TLN2: variants seen among roughly 807,000 people sequenced by gnomAD.
The protein encoded by TLN2 is talin-2.
A neutral mutation model predicts 294.7 loss-of-function variants in TLN2; 118 were observed. The observed-to-expected ratio is 0.40, with a 90% confidence interval of 0.34 to 0.47. The LOEUF is 0.47. Among genes scored for constraint, TLN2 ranks in the 20% least tolerant of loss-of-function variants. The probability of loss-of-function intolerance (pLI) is 0.84; values close to 1 mark genes in which losing one functional copy is unlikely to be tolerated. For missense variants in TLN2, 3,083 were observed against 3,282.2 expected (o/e 0.94, Z 1.48); for synonymous variants, 1,431 against 1,304.5 (o/e 1.10, Z -2.09).
At chr15:62,765,984 G>A (rs922438560) in intron 40 of TLN2, among the ~76,000 whole-genome samples, 4 of 152,212 alleles carry the variant, frequency 2.6e-5, no homozygotes, top group African/African-American at 9.6e-5. Context: ...TTTGGAAGAA[G>A]TTGTCGTTCC....
intron 1 of TLN2, among the ~76,000 whole-genome samples, chr15:62,504,836 TGTGTGTGTGTGAGA>T (rs1382493341): frequency 1.4e-5 from 2 of 144,800 alleles, no homozygotes; most frequent in Admixed American, 6.8e-5. Flanking sequence ...TGTGTGTGTG[TGTGTGTGTGTGAGA>T]GAGAGAGAGA....
intron 2 of TLN2, among the ~76,000 whole-genome samples, chr15:62,595,496 A>G (rs1275350201): frequency 1.3e-5 from 2 of 152,156 alleles, no homozygotes; most frequent in African/African-American, 2.4e-5. Flanking sequence ...ATCACTGGAA[A>G]GAATGTAAGT....
intron 19 of TLN2, among the ~76,000 whole-genome samples, chr15:62,703,248 G>C (rs2058827922): frequency 6.6e-6 from 1 of 151,776 alleles, no homozygotes; most frequent in Non-Finnish European, 1.5e-5. Context: ...GATTACAGGT[G>C]CACGCCACCA....
intron 12 of TLN2, 84 bp from the exon 13 acceptor site, chr15:62,692,754 CAT>C: frequency 1.0e-6 from 1 of 967,952 alleles, no homozygotes; most frequent in Admixed American, 2.1e-5. Context: ...AAGTCTATGT[CAT>C]ATTGTTCTAG....
intron 1 of TLN2, among the ~76,000 whole-genome samples, chr15:62,442,778 C>T (rs2035620915): frequency 6.6e-6 from 1 of 152,124 alleles, no homozygotes; most frequent in Non-Finnish European, 1.5e-5. Context: ...CTTAAAGCAA[C>T]ACACATTTAT....
chr15:62,591,683 G>A (rs1402062724), intron 2 of TLN2, among the ~76,000 whole-genome samples: 5 of 152,180 alleles, frequency 3.3e-5, no homozygotes, highest in African/African-American at 1.2e-4. Context: ...TGACTGGCAT[G>A]TGGGGATGCT....
At position 62,722,327 on chromosome 15, in the gene TLN2, CT is replaced by C; in HGVS notation, c.2992-24del. The C allele has an allele frequency of 1.9e-6, 3 of 1,589,998 alleles. No individual in the cohort carries two copies. In the African/African-American group the frequency reaches 4.0e-5, roughly 21 times the overall value. ...CTACCTCTTGCTGCCCAGGAGCCATCTTACTTTCTTTTCATCTCTCTATAGC... is the reference window on the plus strand; with the variant it reads ...CTACCTCTTGCTGCCCAGGAGCCATCTACTTTCTTTTCATCTCTCTATAGC... On this transcript the variant is annotated intron_variant, in intron 25 of 58. Transcript: ENST00000636159.
intron 1 of TLN2, among the ~76,000 whole-genome samples, chr15:62,391,433 G>T (rs2032077500): frequency 6.6e-6 from 1 of 152,252 alleles, no homozygotes. Context: ...TCGGTCCCAC[G>T]AGCTGAAATT....
chr15:62,454,030 G>A (rs988244020), intron 1 of TLN2, among the ~76,000 whole-genome samples: 1 of 152,186 alleles, frequency 6.6e-6, no homozygotes. Context: ...GTGAGTGGCT[G>A]CCTGCTGCAA....
chr15:62,704,397 G>T (rs969778538), intron 19 of TLN2, among the ~76,000 whole-genome samples: 2 of 152,234 alleles, frequency 1.3e-5, no homozygotes, highest in South Asian at 4.1e-4. Flanking sequence ...CAGGTTTCTT[G>T]CTTCATGGGT....
intron 1 of TLN2, among the ~76,000 whole-genome samples, chr15:62,510,677 G>C (rs1467338234): frequency 1.3e-5 from 2 of 152,200 alleles, no homozygotes; most frequent in African/African-American, 4.8e-5. Context: ...TGCTGTGGCA[G>C]GTGACTGAGG....
chr15:62,756,147 G>C (rs975984165), intron 37 of TLN2, among the ~76,000 whole-genome samples: 1 of 152,188 alleles, frequency 6.6e-6, no homozygotes, highest in Non-Finnish European at 1.5e-5. Context: ...ATGGGAGATT[G>C]TGGAAAAATC....
rs143281393 is a variant in TLN2 at position 62,410,434 on chromosome 15, G to A, written c.-238+19749G>A. Among the ~76,000 whole-genome samples, 261 of 152,072 alleles carry A rather than the reference G, an allele frequency of 1.7e-3. 5 individuals are homozygous for A. The highest frequency in any genetic ancestry group is 5.4e-3 in the African/African-American group (226 of 41,494). On this transcript the variant is annotated intron_variant, in intron 1 of 58. Coordinates refer to ENST00000636159, the MANE Select transcript of TLN2 (RefSeq NM_015059.3). ...CTAAAAAGGATGAATTTTACTTTAC[G>A]TAATTATACTTTAATAAACCTGATT...
intron 3 of TLN2, among the ~76,000 whole-genome samples, chr15:62,622,651 C>T (rs892478892): frequency 2.0e-5 from 3 of 152,118 alleles, no homozygotes; most frequent in African/African-American, 7.2e-5. Context: ...TTTAAAAATG[C>T]AGATGTGGCA....
intron 2 of TLN2, among the ~76,000 whole-genome samples, chr15:62,603,435 TAGAG>T (rs141901652): frequency 3.3e-5 from 5 of 149,310 alleles, no homozygotes; most frequent in Non-Finnish European, 6.0e-5. Flanking sequence ...TGTAGTGGCA[TAGAG>T]AGAGAGAGAG....
chr15:62,452,200 C>G (rs536783549), intron 1 of TLN2, among the ~76,000 whole-genome samples: 9 of 152,242 alleles, frequency 5.9e-5, no homozygotes, highest in African/African-American at 2.2e-4. Context: ...GCCCTGAGGC[C>G]TAGACAGACA....
intron 1 of TLN2, among the ~76,000 whole-genome samples, chr15:62,515,472 T>C (rs2040141579): frequency 6.6e-6 from 1 of 152,382 alleles, no homozygotes; most frequent in East Asian, 1.9e-4. Context: ...TAAAACTTTC[T>C]CTTTCTCCTT....
chr15:62,840,332 G>C, intron 58 of TLN2, 150 bp from the exon 59 acceptor site: 1 of 1,156,142 alleles, frequency 8.6e-7, no homozygotes, highest in East Asian at 2.4e-5. Flanking sequence ...AACAGTGACA[G>C]AGGCTGGTCG....
chr15:62,605,441 G>A (rs1340782828), intron 2 of TLN2, among the ~76,000 whole-genome samples: 3 of 152,150 alleles, frequency 2.0e-5, no homozygotes, highest in Non-Finnish European at 4.4e-5. Context: ...ATTAAAGCTG[G>A]AGTCGATTTA....
Sources: allele counts gnomAD v4.1 joint callset (sites outside exome capture counted in the v4.1 genomes callset), GRCh38; gene constraint gnomAD v4.1.1; transcripts MANE v1.5; gene names NCBI Gene and HGNC (gene_info 2026-07-23, HGNC 2026-07-21).